PDGFA: variants seen among roughly 807,000 people sequenced by gnomAD.
PDGFA encodes platelet-derived growth factor subunit A.
PDGFA carries 9 observed loss-of-function variants against 25.6 expected under a neutral mutation model. The ratio of observed to expected loss-of-function variants is 0.35; its 90% confidence interval spans 0.21 to 0.61. PDGFA has a LOEUF of 0.61. Among genes scored for constraint, PDGFA ranks in the 20% least tolerant of loss-of-function variants. PDGFA has a pLI of 0.75. For missense variants in PDGFA, 242 were observed against 272.8 expected (o/e 0.89, Z 0.79); for synonymous variants, 133 against 111.8 (o/e 1.19, Z -1.20).
exon 3 of PDGFA, chr7:512,443 G>C (rs1782899581): frequency 6.2e-7 from 1 of 1,613,728 alleles, no homozygotes; most frequent in Non-Finnish European, 8.5e-7. Flanking sequence ...GGTGTCCAAA[G>C]AATCCTCACT....
chr7:512,288 C>A, intron 3 of PDGFA, 63 bp downstream of exon 3: 1 of 1,459,426 alleles, frequency 6.9e-7, no homozygotes, highest in Non-Finnish European at 9.4e-7. Flanking sequence ...CCCTGCCCAT[C>A]GCGGCCTCCT....
chr7:503,018 C>T (rs1479793303), intron 4 of PDGFA, among the ~76,000 whole-genome samples: 1 of 152,136 alleles, frequency 6.6e-6, no homozygotes, highest in Non-Finnish European at 1.5e-5. Context: ...ACCCCTAATA[C>T]ACAGCCAGGG....
intron 2 of PDGFA, among the ~76,000 whole-genome samples, chr7:516,498 G>A (rs1406357453): frequency 1.3e-5 from 2 of 152,156 alleles, no homozygotes; most frequent in Non-Finnish European, 2.9e-5. Flanking sequence ...GTTCATCGCA[G>A]AGCCCCTTTT....
chr7:503,494 G>A (rs1225066210), intron 4 of PDGFA, among the ~76,000 whole-genome samples: 1 of 152,034 alleles, frequency 6.6e-6, no homozygotes, highest in Non-Finnish European at 1.5e-5. Context: ...CCAGCCCAGT[G>A]GCCCTGCCTC....
intron 3 of PDGFA, 35 bp from the exon 4 acceptor site, chr7:511,031 C>T (rs750907145): frequency 3.2e-6 from 5 of 1,569,166 alleles, no homozygotes; most frequent in East Asian, 2.3e-5. Context: ...CGGGGACCGG[C>T]CTCTGCGACC....
intron 3 of PDGFA, 27 bp from the exon 4 acceptor site, chr7:511,023 G>T (rs764617837): frequency 6.6e-5 from 105 of 1,593,652 alleles, no homozygotes; most frequent in Non-Finnish European, 9.0e-5. Context: ...ACAGTGAGCG[G>T]GGACCGGCCT....
chr7:512,253 G>A, intron 3 of PDGFA, 98 bp downstream of exon 3: 5 of 1,155,802 alleles, frequency 4.3e-6, no homozygotes, highest in Non-Finnish European at 6.1e-6. Flanking sequence ...TGGGAGAGCG[G>A]GCAGCTCCTC....
chr7:498,413 T>C, exon 6 of PDGFA: 2 of 715,192 alleles, frequency 2.8e-6, no homozygotes, highest in Non-Finnish European at 5.0e-6. Flanking sequence ...AAATGTGCAC[T>C]GTCTCTTTGT....
intron 2 of PDGFA, chr7:512,692 C>T: frequency 6.9e-7 from 1 of 1,439,222 alleles, no homozygotes; most frequent in Non-Finnish European, 9.2e-7. Flanking sequence ...GCCCCGTTAG[C>T]ACAGAGGTCC....
In PDGFA at chr7:500,728, C is replaced by T; in HGVS notation, c.580+388G>A. ...CCGCGTGGCGGGGTGAAGGAGAGAC[C>T]CCAGCCAGCCAGGGCAACTGCAGTC... On this transcript the variant is annotated intron_variant, in intron 5 of 5. Coordinates refer to ENST00000402802, the Ensembl canonical transcript of PDGFA. This position sits in a 1 kb window ranked among gnomAD's most constrained non-coding sequence, Gnocchi z 5.0. 1.4e-6 allele frequency: 2 copies of T among 1,438,302 alleles called. No homozygotes were observed. The highest frequency in any genetic ancestry group is 1.8e-6 in the Non-Finnish European group (2 of 1,101,100). 89.1% of individuals were successfully genotyped at this position (1,438,302 alleles called of 1,614,324 possible).
At chr7:499,687 C>T (rs912495213) in intron 5 of PDGFA, among the ~76,000 whole-genome samples, 2 of 130,278 alleles carry the variant, frequency 1.5e-5, no homozygotes, top group African/African-American at 6.0e-5. Flanking sequence ...GTGGGATTTC[C>T]AGGATAGCTC....
chr7:510,112 C>T (rs959798467), intron 4 of PDGFA, among the ~76,000 whole-genome samples: 6 of 152,186 alleles, frequency 3.9e-5, no homozygotes, highest in South Asian at 2.1e-4. Context: ...GGCCCGGGGA[C>T]GCCAGACAGC....
rs1562490204 is a variant in PDGFA at position 511,296 on chromosome 7, G to GGGC, written c.266-301_266-300insGCC. 1.7e-3 allele frequency among the ~76,000 whole-genome samples: 116 copies of GGGC among 67,128 alleles called. 4 individuals carry two copies. The highest frequency in any genetic ancestry group is 1.6e-3 in the Non-Finnish European group (58 of 36,090). The allele number at this position is 67,128 out of a possible 152,430, so 44.0% of individuals were successfully genotyped here. Reference sequence around the variant, plus strand: ...GGTGGGGCCAGTGGCTGGGGGTGGGGAGAGGGGAACTTAGTCCAGGTGGGG... The same window carrying GGGC: ...GGTGGGGCCAGTGGCTGGGGGTGGGGGGCAGAGGGGAACTTAGTCCAGGTGGGG... On this transcript the variant is annotated intron_variant, in intron 3 of 5. Transcript: ENST00000402802.
chr7:498,615 C>G, intron 5 of PDGFA, 41 bp from the exon 6 acceptor site: 1 of 1,603,604 alleles, frequency 6.2e-7, no homozygotes, highest in East Asian at 2.2e-5. Context: ...GACCACCGAC[C>G]AAGTGAACCA....
chr7:506,175 C>CAAAAAAAAAAAA lies in PDGFA; in HGVS notation c.453+4622_453+4633dup, dbSNP rs34159199. On this transcript the variant is annotated intron_variant, in intron 4 of 5. Transcript: ENST00000402802. Reference sequence around the variant, plus strand: ...TGGGCAACAGAGTGAGACTCTGTCTCAAAAAAAAAAAAAAAATCCCTCAAG... The same window carrying CAAAAAAAAAAAA: ...TGGGCAACAGAGTGAGACTCTGTCTCAAAAAAAAAAAAAAAAAAAAAAAAAAAATCCCTCAAG... Among the ~76,000 whole-genome samples the CAAAAAAAAAAAA allele has an allele frequency of 1.8e-3, 192 of 107,280 alleles. 6 individuals carry two copies. Among genetic ancestry groups the CAAAAAAAAAAAA allele is most frequent in the African/African-American group, 5.5e-3 (151 of 27,588 alleles). 70.4% of individuals were successfully genotyped at this position (107,280 alleles called of 152,430 possible). A position where few individuals can be genotyped will look rare whatever the true frequency, so the allele number is the denominator to read the frequency against.
At position 508,559 on chromosome 7, in the gene PDGFA, C is replaced by CAAAAAAAAAAAAAA. The variant is rs766165770; in HGVS notation, c.453+2236_453+2249dup. 2.2e-4 allele frequency among the ~76,000 whole-genome samples: 8 copies of CAAAAAAAAAAAAAA among 35,670 alleles called. 1 individual carries two copies. Among genetic ancestry groups the CAAAAAAAAAAAAAA allele is most frequent in the African/African-American group, 3.3e-4 (3 of 9,006 alleles). The allele number at this position is 35,670 out of a possible 152,430, so 23.4% of individuals were successfully genotyped here. On this transcript the variant is annotated intron_variant, in intron 4 of 5. Coordinates refer to ENST00000402802, the Ensembl canonical transcript of PDGFA. ...TGGGCAACAGAGCAAGAAGCTGTCC[C>CAAAAAAAAAAAAAA]AAAAAAAAAAAAAAAAAAAAAAAAA... is the stretch of plus-strand genomic sequence containing the variant.
At chr7:512,506 C>A (rs771366530) in intron 2 of PDGFA, 51 bp from the exon 3 acceptor site, 1 of 1,611,674 alleles carries the variant, frequency 6.2e-7, no homozygotes, top group African/African-American at 1.3e-5. Context: ...TGCGCTGTGC[C>A]CTGGGCCTGT....
chr7:512,221 G>A lies in PDGFA; in HGVS notation c.265+130C>T, dbSNP rs1299232189. ...CTATTTTAGGGAGGAGGGAACGGGT[G>A]GCTTGCCTGAGGCCACTGCGCTGGG... is the stretch of plus-strand genomic sequence containing the variant. On this transcript the variant is annotated intron_variant, in intron 3 of 5. Transcript: ENST00000402802. 11 of 834,602 alleles carry A rather than the reference G, an allele frequency of 1.3e-5. No homozygotes were observed. In the South Asian group the frequency reaches 1.9e-4, roughly 15 times the overall value. The allele number at this position is 834,602 out of a possible 1,614,324, so 51.7% of individuals were successfully genotyped here.
At chr7:504,720 C>T (rs1782486196) in intron 4 of PDGFA, among the ~76,000 whole-genome samples, 1 of 152,248 alleles carries the variant, frequency 6.6e-6, no homozygotes, top group Non-Finnish European at 1.5e-5. Context: ...CCGGCCCTGA[C>T]CCTCCGGATG....
Sources: gnomAD v4.1 joint callset for allele counts (sites outside exome capture counted in the v4.1 genomes callset) on GRCh38, gnomAD v4.1.1 for gene constraint, Gnocchi (gnomAD v3.1) non-coding constraint, MANE v1.5 for transcripts, NCBI Gene and HGNC (gene_info 2026-07-23, HGNC 2026-07-21) for gene names.